SLC6A13: variants seen among roughly 807,000 people sequenced by gnomAD.
SLC6A13 encodes the protein solute carrier family 6 member 13, also known as sodium- and chloride-dependent GABA transporter 2.
A neutral mutation model predicts 72.9 loss-of-function variants in SLC6A13; 69 were observed. The ratio of observed to expected loss-of-function variants is 0.95; its 90% CI spans 0.78 to 1.16. The LOEUF is 1.16. Ranked by LOEUF, SLC6A13 falls within the 50% of genes most tolerant of loss-of-function variation. The pLI is 0.00. For missense variants in SLC6A13, 735 were observed against 760.5 expected (o/e 0.97, Z 0.39); for synonymous variants, 303 against 303.0 (o/e 1.00, Z 0.00).
chr12:234,984 C>A lies in SLC6A13; in HGVS notation c.831+106G>T, dbSNP rs1018797376. ...TGCACCTCTGCTGCCACTGTGGACA[C>A]CCTAGGGTAGTGCTAGGTGCGGGGG... On this transcript the variant is annotated intron_variant, in intron 7 of 14. Coordinates refer to ENST00000343164, the MANE Select transcript of SLC6A13 (RefSeq NM_016615.5). The A allele has an allele frequency of 8.1e-5, 108 of 1,336,608 alleles. 1 individual carries two copies. Among genetic ancestry groups the A allele is most frequent in the Non-Finnish European group, 1.1e-4 (104 of 940,524 alleles). The allele number at this position is 1,336,608 out of a possible 1,614,324, so 82.8% of individuals were successfully genotyped here.
At chr12:257,121 T>G (rs1404950384) in intron 2 of SLC6A13, 4 of 152,066 alleles carry the variant, frequency 2.6e-5, no homozygotes, top group Non-Finnish European at 5.9e-5. Context: ...GGGCCCATTC[T>G]CTGTAGGAGT....
At chr12:239,126 C>A (rs1942057230) in intron 4 of SLC6A13, among the ~76,000 whole-genome samples, 1 of 136,200 alleles carries the variant, frequency 7.3e-6, no homozygotes, top group Non-Finnish European at 1.6e-5. Flanking sequence ...ATTCCCACAC[C>A]ATTTCCCTCA....
In SLC6A13 at chr12:238,029, G is replaced by A; in HGVS notation, c.479-19C>T. On this transcript the variant is annotated intron_variant, in intron 4 of 14. Transcript: ENST00000343164. The stretch of plus-strand genomic sequence containing the variant: ...CAGTGTTCTACCCATGGGTCACGAG[G>A]AGGGAAAAAAGAGAAAAATCATCAG... 1 of 1,610,064 alleles carries A rather than the reference G, an allele frequency of 6.2e-7. No homozygotes were observed. The highest frequency in any genetic ancestry group is 8.5e-7 in the Non-Finnish European group (1 of 1,176,414).
At chr12:233,394 G>A (rs1375569225) in intron 7 of SLC6A13, among the ~76,000 whole-genome samples, 1 of 152,154 alleles carries the variant, frequency 6.6e-6, no homozygotes, top group Admixed American at 6.5e-5. Context: ...CCCCCTTCAG[G>A]CAGCAGGCAA....
intron 2 of SLC6A13, among the ~76,000 whole-genome samples, chr12:250,830 CCCCA>C (rs1201410217): frequency 2.2e-4 from 1 of 4,598 alleles, no homozygotes; most frequent in East Asian, 2.0e-3. Flanking sequence ...CAAAATAGCC[CCCCA>C]AAAAAAAAAA....
At chr12:233,683 GA>G (rs35222334) in intron 7 of SLC6A13, among the ~76,000 whole-genome samples, 10,196 of 152,258 alleles carry the variant, frequency 0.067, 477 homozygotes, top group Middle Eastern at 0.099. Context: ...AGCGGGTGGG[GA>G]GAGGAGGGGA....
Position 235,137 on chromosome 12 carries a change from T to C in SLC6A13, c.784A>G (p.Ile262Val). The C allele has an allele frequency of 1.2e-6, 2 of 1,614,170 alleles. No individual in the cohort carries two copies. Among genetic ancestry groups the C allele is most frequent in the Non-Finnish European group, 1.7e-6 (2 of 1,180,018 alleles). ...GVTLPGAAQG[I>V]QFYLYPNLTR... ...AGGTTTGGGTACAGGTAAAACTGAA[T>C]TCCTTGGGCTGCCCCAGGCAACGTC... Residue 262 changes from isoleucine (I) to valine (V), a missense_variant, in exon 7 of 15, where the codon ATT becomes GTT. By Grantham distance (29) the Ile-to-Val change is conservative (BLOSUM62 3). Coordinates refer to ENST00000343164, the MANE Select transcript of SLC6A13 (RefSeq NM_016615.5).
chr12:235,302 G>A (rs766170522), intron 6 of SLC6A13, 78 bp from the exon 7 acceptor site: 858 of 1,445,738 alleles, frequency 5.9e-4, no homozygotes, highest in Non-Finnish European at 7.8e-4. Flanking sequence ...CAGGAGGCAG[G>A]GGCAAGAGCT....
Position 254,544 on chromosome 12 carries a change from C to G in SLC6A13, c.202+5307G>C, listed in dbSNP as rs1176039637. Among the ~76,000 whole-genome samples the G allele has an allele frequency of 6.6e-6, 1 of 152,212 alleles. No homozygotes were observed. Among genetic ancestry groups the G allele is most frequent in the Non-Finnish European group, 1.5e-5 (1 of 68,042 alleles). ...GCTGCAGTTAATTTCTCCCTCCTCC[C>G]TGATAGAATTTCTTCACTCGACTTT... On this transcript the variant is annotated intron_variant, in intron 2 of 14. Transcript: ENST00000343164. This position sits in a 1 kb window ranked among gnomAD's most constrained non-coding sequence, Gnocchi z 4.4.
At chr12:251,251 C>G (rs191212441) in intron 2 of SLC6A13, among the ~76,000 whole-genome samples, 1 of 151,524 alleles carries the variant, frequency 6.6e-6, no homozygotes, top group Non-Finnish European at 1.5e-5. Context: ...GTAATGAACA[C>G]AGTGTGGTAC....
rs749771636 is a variant in SLC6A13, at chr12:235,182, C to T, written c.739G>A (p.Val247Ile). 14 of 1,614,068 alleles carry T rather than the reference C, an allele frequency of 8.7e-6. No individual in the cohort carries two copies. The South Asian group carries it at 1.4e-4, about 16-fold the overall frequency. ...AACGTCACCCCTCGAATTAACAGGA[C>T]CACCAGCATGAGGTAAGGAAATGTG... ...TATFPYLMLVVLLIRGVTLPG... is the reference protein window; with the variant it reads ...TATFPYLMLVILLIRGVTLPG... Residue 247 changes from valine to isoleucine, a missense_variant, in exon 7 of 15, where the codon GTC (valine) becomes ATC (isoleucine). Transcript: ENST00000343164.
intron 11 of SLC6A13, chr12:223,694 T>C (rs10744557): frequency 0.71 from 274,168 of 385,654 alleles, 104,593 homozygotes; most frequent in Non-Finnish European, 0.82. Context: ...GCCTGGGAAA[T>C]CACCAGATCT....
chr12:241,421 G>A (rs563199342), intron 4 of SLC6A13, among the ~76,000 whole-genome samples: 1 of 152,354 alleles, frequency 6.6e-6, no homozygotes, highest in African/African-American at 2.4e-5. Flanking sequence ...AGAGGGATGT[G>A]CCAAGAATCC....
In SLC6A13 at chr12:262,041, G is replaced by A. The variant is rs185143381; in HGVS notation, c.-6+748C>T. On this transcript the variant is annotated intron_variant, in intron 1 of 14. Coordinates refer to ENST00000343164, the MANE Select transcript of SLC6A13 (RefSeq NM_016615.5). ...AACTCAAGTAACTGGTCCCAAGAGG[G>A]CTCCTCAGTCCTTTTGGGAAGGTTG... Among the ~76,000 whole-genome samples the A allele has an allele frequency of 2.6e-5, 4 of 152,258 alleles. No homozygotes were observed. The East Asian group carries it at 7.7e-4, about 29-fold the overall frequency.
intron 11 of SLC6A13, among the ~76,000 whole-genome samples, chr12:223,535 G>C (rs34213228): frequency 0.036 from 5,414 of 152,158 alleles, 122 homozygotes; most frequent in Middle Eastern, 0.088. Context: ...GTACTCTTTG[G>C]GGAAAGGATC....
chr12:260,738 C>T (rs55829679), intron 1 of SLC6A13, among the ~76,000 whole-genome samples: 1 of 152,112 alleles, frequency 6.6e-6, no homozygotes. Context: ...AAAAACAGTA[C>T]ATACAATATG....
chr12:250,107 A>T (rs952718605), intron 2 of SLC6A13, among the ~76,000 whole-genome samples: 4 of 152,168 alleles, frequency 2.6e-5, no homozygotes, highest in Admixed American at 2.6e-4. Context: ...TTCCTAATAA[A>T]AACTCCCAGC....
Position 236,952 on chromosome 12 carries a change from C to T in SLC6A13, c.696+206G>A, listed in dbSNP as rs565993489. Reference sequence around the variant, plus strand: ...GATTACCCTGGAGGTGTCCTTCCTGCCTTTCTCGCTCTCTTCCAGTCCCAA... The same window carrying T: ...GATTACCCTGGAGGTGTCCTTCCTGTCTTTCTCGCTCTCTTCCAGTCCCAA... On this transcript the variant is annotated intron_variant, in intron 6 of 14. Transcript: ENST00000343164. 1.3e-5 allele frequency: 7 copies of T among 531,450 alleles called. No individual in the cohort carries two copies. In the Admixed American group the frequency reaches 2.1e-4, roughly 16 times the overall value. The allele number at this position is 531,450 out of a possible 1,614,324, so 32.9% of individuals were successfully genotyped here.
rs760310338 is a variant in SLC6A13 at position 221,375 on chromosome 12, C to T, written c.1686+1G>A. 24 of 1,589,524 alleles carry T rather than the reference C, an allele frequency of 1.5e-5. No individual in the cohort carries two copies. The highest frequency in any genetic ancestry group is 3.7e-5 in the Admixed American group (2 of 54,682). ...TGCTTTCCTGCCCGCAAAGGCCCTACCTCTCTGAAGGGGCCCTTGAGGGTT... is the reference window on the plus strand; with the variant it reads ...TGCTTTCCTGCCCGCAAAGGCCCTATCTCTCTGAAGGGGCCCTTGAGGGTT... On this transcript the variant is annotated splice_donor_variant, in intron 14 of 14. Coordinates refer to ENST00000343164, the MANE Select transcript of SLC6A13 (RefSeq NM_016615.5). LOFTEE classifies it high-confidence loss of function.
Sources: gnomAD v4.1 joint callset for allele counts (sites outside exome capture counted in the v4.1 genomes callset) on GRCh38, gnomAD v4.1.1 for gene constraint, Gnocchi (gnomAD v3.1) non-coding constraint, MANE v1.5 for transcripts, NCBI Gene and HGNC (gene_info 2026-07-23, HGNC 2026-07-21) for gene names.